GLIS3: variants seen among roughly 807,000 people sequenced by gnomAD.
GLIS3 encodes zinc finger protein GLIS3.
In GLIS3, 53 loss-of-function variants were observed where a neutral mutation model predicts 78.6. The ratio of observed to expected loss-of-function variants is 0.67; its 90% CI spans 0.54 to 0.85. The LOEUF is 0.85. Ranked by LOEUF, GLIS3 falls within the 40% of genes least tolerant of loss-of-function variation. The pLI, the probability that GLIS3 is intolerant of heterozygous loss-of-function variation, is 0.00. For synonymous variants in GLIS3, 684 were observed against 509.9 expected (o/e 1.34, Z -4.60); for missense variants, 1,703 against 1,231.1 (o/e 1.38, Z -5.74).
At chr9:4,008,590 C>G (rs1266784318) in intron 4 of GLIS3, among the ~76,000 whole-genome samples, 1 of 152,164 alleles carries the variant, frequency 6.6e-6, no homozygotes, top group Admixed American at 6.5e-5. Flanking sequence ...AAGTTGATTT[C>G]TGTGGCCAGC....
rs1817634064 is a variant in GLIS3, at chr9:3,824,731, T to A, written c.*3541A>T. On this transcript the variant is annotated 3_prime_UTR_variant, in exon 11 of 11. Coordinates refer to ENST00000381971, the MANE Select transcript of GLIS3 (RefSeq NM_001042413.2). ...GTATGATATATGCAGTTCATTTCTCTACGTGAGTGTATATAACTATGTACA... is the reference window on the plus strand; with the variant it reads ...GTATGATATATGCAGTTCATTTCTCAACGTGAGTGTATATAACTATGTACA... 1 of 152,638 alleles carries A rather than the reference T, an allele frequency of 6.6e-6. No homozygotes were observed. Among genetic ancestry groups the A allele is most frequent in the African/African-American group, 2.4e-5 (1 of 41,444 alleles). 9.5% of individuals were successfully genotyped at this position (152,638 alleles called of 1,614,324 possible). A position where few individuals can be genotyped will look rare whatever the true frequency, so the allele number is the denominator to read the frequency against.
At chr9:4,449,343 A>G in the GLIS3 span, among the ~76,000 whole-genome samples, 2 of 152,190 alleles carry the variant, frequency 1.3e-5, no homozygotes, top group African/African-American at 4.8e-5. Context: ...AGAACCCACC[A>G]CAGCTCTGCA....
At chr9:4,318,402 A>C (rs1316633701) in intron 2 of GLIS3, among the ~76,000 whole-genome samples, 4 of 152,120 alleles carry the variant, frequency 2.6e-5, no homozygotes, top group Non-Finnish European at 4.4e-5. Flanking sequence ...AAGCACGGAG[A>C]AATGGCTGAT....
chr9:4,333,976 G>C (rs1048472853), intron 2 of GLIS3, among the ~76,000 whole-genome samples: 1 of 152,302 alleles, frequency 6.6e-6, no homozygotes, highest in Non-Finnish European at 1.5e-5. Context: ...CTCTGCAGGA[G>C]AGGAAAGGAC....
intron 4 of GLIS3, among the ~76,000 whole-genome samples, chr9:4,082,017 C>T (rs1406044734): frequency 6.6e-6 from 1 of 152,158 alleles, no homozygotes; most frequent in Admixed American, 6.6e-5. Context: ...AAACAAACAT[C>T]CAAAGACAGA....
At chr9:4,054,301 T>C in intron 4 of GLIS3, 1 of 979,388 alleles carries the variant, frequency 1.0e-6, no homozygotes, top group Non-Finnish European at 1.2e-6. Flanking sequence ...GCAAACAACG[T>C]ACTCTACAGA....
chr9:4,397,548 A>G, the GLIS3 span, among the ~76,000 whole-genome samples: 1 of 151,622 alleles, frequency 6.6e-6, no homozygotes, highest in African/African-American at 2.4e-5. Flanking sequence ...AGGGACTTCA[A>G]GGCTAGTGTA....
At chr9:4,412,389 A>G in the GLIS3 span, among the ~76,000 whole-genome samples, 1 of 152,204 alleles carries the variant, frequency 6.6e-6, no homozygotes, top group Admixed American at 6.5e-5. Flanking sequence ...CTTGGGACTA[A>G]AAGCATCCAA....
At chr9:3,969,830 C>A (rs1352278126) in intron 4 of GLIS3, among the ~76,000 whole-genome samples, 2 of 152,166 alleles carry the variant, frequency 1.3e-5, no homozygotes, top group African/African-American at 4.8e-5. Context: ...GCACCTCTGT[C>A]CAGAAACTGA....
chr9:4,420,692 T>C, the GLIS3 span, among the ~76,000 whole-genome samples: 2 of 152,136 alleles, frequency 1.3e-5, no homozygotes, highest in African/African-American at 4.8e-5. Flanking sequence ...GGGGCCCCAG[T>C]GTACTAGTCC....
At chr9:3,933,180 T>TC (rs1292048976) in intron 5 of GLIS3, among the ~76,000 whole-genome samples, 1 of 151,646 alleles carries the variant, frequency 6.6e-6, no homozygotes, top group African/African-American at 2.4e-5. Flanking sequence ...GAGTCTAGCC[T>TC]CTTTTTTTTT....
chr9:4,240,294 G>C (rs1220789180), intron 2 of GLIS3, among the ~76,000 whole-genome samples: 2 of 152,134 alleles, frequency 1.3e-5, no homozygotes, highest in African/African-American at 4.8e-5. Flanking sequence ...TCCTCACATG[G>C]GCAGTTCACA....
intron 2 of GLIS3, among the ~76,000 whole-genome samples, chr9:4,321,323 G>C (rs1167123145): frequency 7.7e-6 from 1 of 130,594 alleles, no homozygotes; most frequent in African/African-American, 3.8e-5. Context: ...TCGGGAGGCT[G>C]AGGCAGGAGA....
At chr9:3,857,999 G>C (rs1189146358) in intron 8 of GLIS3, among the ~76,000 whole-genome samples, 1 of 152,112 alleles carries the variant, frequency 6.6e-6, no homozygotes. Context: ...CAAATCCCCT[G>C]GTCCTTAAAG....
intron 2 of GLIS3, among the ~76,000 whole-genome samples, chr9:4,239,152 G>A (rs1823049636): frequency 8.0e-6 from 1 of 125,336 alleles, no homozygotes; most frequent in Non-Finnish European, 1.6e-5. Flanking sequence ...AAACATACAT[G>A]TGCATGCACT....
At chr9:4,369,209 C>A in the GLIS3 span, among the ~76,000 whole-genome samples, 2 of 152,062 alleles carry the variant, frequency 1.3e-5, no homozygotes, top group Non-Finnish European at 2.9e-5. Context: ...ATGGATTACT[C>A]AGCCACCATT....
At chr9:3,837,759 C>T in intron 9 of GLIS3, among the ~76,000 whole-genome samples, 1 of 152,166 alleles carries the variant, frequency 6.6e-6, no homozygotes, top group East Asian at 1.9e-4. Context: ...CCGTGGTTTC[C>T]ACAGGTTGGG....
chr9:4,303,243 T>C (rs1023142878), upstream of GLIS3, among the ~76,000 whole-genome samples: 2 of 137,258 alleles, frequency 1.5e-5, no homozygotes, highest in East Asian at 2.2e-4. Context: ...GCACCAGTGA[T>C]AGTATGCCTA....
intron 4 of GLIS3, among the ~76,000 whole-genome samples, chr9:4,016,581 C>T (rs553278005): frequency 6.6e-6 from 1 of 152,266 alleles, no homozygotes; most frequent in South Asian, 2.1e-4. Flanking sequence ...CAATGCAACT[C>T]CTCTGCCTTG....
Sources: gnomAD v4.1 joint callset for allele counts (sites outside exome capture counted in the v4.1 genomes callset) on GRCh38, gnomAD v4.1.1 for gene constraint, MANE v1.5 for transcripts, NCBI Gene and HGNC (gene_info 2026-07-23, HGNC 2026-07-21) for gene names.